TMEM117: variants seen among roughly 807,000 people sequenced by gnomAD.
The protein encoded by TMEM117 is transmembrane protein 117.
A neutral mutation model predicts 52.4 loss-of-function variants in TMEM117; 27 were observed. The observed-to-expected ratio is 0.51, with a 90% CI of 0.38 to 0.71. TMEM117 has a LOEUF of 0.71. Among genes scored for constraint, TMEM117 ranks in the 30% least tolerant of loss-of-function variants. TMEM117 has a pLI of 0.00. For missense variants in TMEM117, 556 were observed against 630.5 expected (o/e 0.88, Z 1.26); for synonymous variants, 215 against 206.3 (o/e 1.04, Z -0.36).
At chr12:44,202,792 G>A (rs1565586350) in intron 4 of TMEM117, among the ~76,000 whole-genome samples, 7 of 125,320 alleles carry the variant, frequency 5.6e-5, no homozygotes. Context: ...GGAAGTGGTA[G>A]CTTTTTTTTT....
At chr12:43,821,308 C>T in the TMEM117 span, among the ~76,000 whole-genome samples, 62 of 152,150 alleles carry the variant, frequency 4.1e-4, no homozygotes, top group East Asian at 0.012. Context: ...CCTTGGGTGC[C>T]CACAGAGGTC....
intron 3 of TMEM117, among the ~76,000 whole-genome samples, chr12:44,037,980 G>A (rs569816104): frequency 1.3e-5 from 2 of 152,060 alleles, no homozygotes; most frequent in South Asian, 2.1e-4. Context: ...TACTTGTCGG[G>A]ATGCCCTGCC....
chr12:44,354,221 A>G (rs976401190), intron 6 of TMEM117, among the ~76,000 whole-genome samples: 9 of 152,234 alleles, frequency 5.9e-5, no homozygotes, highest in Admixed American at 2.0e-4. Flanking sequence ...CTAGATATAC[A>G]ATCATGTCAT....
At chr12:44,078,821 C>T (rs1028710843) in intron 3 of TMEM117, among the ~76,000 whole-genome samples, 5 of 151,924 alleles carry the variant, frequency 3.3e-5, no homozygotes, top group East Asian at 1.9e-4. Flanking sequence ...CAACCCATCA[C>T]CTACATTAGG....
At chr12:44,377,193 G>A (rs1481536994) in intron 7 of TMEM117, among the ~76,000 whole-genome samples, 2 of 152,130 alleles carry the variant, frequency 1.3e-5, no homozygotes, top group African/African-American at 4.8e-5. Flanking sequence ...TCTTTGCTGT[G>A]GAGAGTCATT....
At chr12:44,304,996 G>A (rs910814674) in intron 6 of TMEM117, among the ~76,000 whole-genome samples, 6 of 152,166 alleles carry the variant, frequency 3.9e-5, no homozygotes, top group African/African-American at 1.4e-4. Flanking sequence ...GTGGGGTAGA[G>A]CACAGAGTTG....
chr12:43,835,935 C>T (rs974760055), upstream of TMEM117: 1 of 151,708 alleles, frequency 6.6e-6, no homozygotes, highest in Non-Finnish European at 1.5e-5. Flanking sequence ...CGCCGGTGCC[C>T]TTGCGCTCGC....
chr12:43,829,261 A>G, the TMEM117 span, among the ~76,000 whole-genome samples: 1 of 152,132 alleles, frequency 6.6e-6, no homozygotes, highest in Admixed American at 6.5e-5. Flanking sequence ...TGTAGCCTTT[A>G]TGGTCAGTAC....
chr12:44,327,055 ATATTTACCTATATTTTTATG>A (rs1951205400), intron 6 of TMEM117, among the ~76,000 whole-genome samples: 1 of 152,176 alleles, frequency 6.6e-6, no homozygotes, highest in Non-Finnish European at 1.5e-5. Flanking sequence ...ATATTTGTAT[ATATTTACCTATATTTTTATG>A]TATTTAATAT....
intron 7 of TMEM117, among the ~76,000 whole-genome samples, chr12:44,383,903 C>T (rs1952053918): frequency 1.3e-5 from 2 of 152,020 alleles, no homozygotes; most frequent in Admixed American, 1.3e-4. Context: ...ATCTTCTTTG[C>T]TCTAATGTTG....
chr12:44,378,253 A>G (rs912330165), intron 7 of TMEM117, among the ~76,000 whole-genome samples: 1 of 152,186 alleles, frequency 6.6e-6, no homozygotes, highest in South Asian at 2.1e-4. Flanking sequence ...AGGAAAAAAA[A>G]ATGGAGAGCC....
chr12:43,946,956 G>C (rs1482544784), intron 3 of TMEM117, among the ~76,000 whole-genome samples: 2 of 152,186 alleles, frequency 1.3e-5, no homozygotes, highest in African/African-American at 2.4e-5. Flanking sequence ...CATAGGAAAA[G>C]CATCGTTTAC....
In TMEM117 at chr12:44,085,983, G is replaced by A. The variant is rs139601015; in HGVS notation, c.411-57542G>A. On this transcript the variant is annotated intron_variant, in intron 3 of 7. Coordinates refer to ENST00000266534, the MANE Select transcript of TMEM117 (RefSeq NM_032256.3). ...AAGGAGAGAGAGAGGGAAGGATACAGAGAATAGCACAGGGTTTTAAATAAA... is the reference window on the plus strand; with the variant it reads ...AAGGAGAGAGAGAGGGAAGGATACAAAGAATAGCACAGGGTTTTAAATAAA... Among the ~76,000 whole-genome samples, 520 of 152,256 alleles carry A rather than the reference G, an allele frequency of 3.4e-3. 3 individuals carry two copies. The highest frequency in any genetic ancestry group is 0.014 in the East Asian group (70 of 5,166).
intron 1 of TMEM117, among the ~76,000 whole-genome samples, chr12:43,841,376 C>CCT (rs1194792470): frequency 2.0e-5 from 3 of 152,194 alleles, no homozygotes; most frequent in African/African-American, 7.2e-5. Context: ...AGCAACTGCT[C>CCT]TGAGCCTTTG....
At chr12:44,241,961 C>G (rs1413410308) in intron 5 of TMEM117, among the ~76,000 whole-genome samples, 1 of 151,862 alleles carries the variant, frequency 6.6e-6, no homozygotes, top group Non-Finnish European at 1.5e-5. Context: ...GGCTATTCTT[C>G]TCTTTCCTGT....
intron 2 of TMEM117, among the ~76,000 whole-genome samples, chr12:43,857,640 C>G (rs1943423655): frequency 6.6e-6 from 1 of 152,112 alleles, no homozygotes; most frequent in Non-Finnish European, 1.5e-5. Context: ...TGATAGAGGT[C>G]TTAGTTTGCT....
intron 3 of TMEM117, among the ~76,000 whole-genome samples, chr12:43,946,183 G>C (rs934955099): frequency 2.6e-5 from 4 of 152,152 alleles, no homozygotes; most frequent in Non-Finnish European, 5.9e-5. Flanking sequence ...TGTAATACTA[G>C]AATGGGTAAT....
intron 3 of TMEM117, among the ~76,000 whole-genome samples, chr12:44,081,314 A>C (rs1462229877): frequency 6.6e-6 from 1 of 152,188 alleles, no homozygotes; most frequent in Non-Finnish European, 1.5e-5. Flanking sequence ...ATAAATTTGA[A>C]AATGATACAG....
At chr12:44,291,906 G>A (rs976571318) in intron 5 of TMEM117, among the ~76,000 whole-genome samples, 12 of 151,886 alleles carry the variant, frequency 7.9e-5, no homozygotes, top group Admixed American at 7.2e-4. Flanking sequence ...TCTTAAAAAT[G>A]TTTGTATTTA....
Sources: allele counts gnomAD v4.1 joint callset (sites outside exome capture counted in the v4.1 genomes callset), GRCh38; gene constraint gnomAD v4.1.1; transcripts MANE v1.5; gene names NCBI Gene and HGNC (gene_info 2026-07-23, HGNC 2026-07-21).